Variants in GLI3 observed in about 807,000 individuals in gnomAD.
GLI3 encodes transcription activator GLI3.
A neutral mutation model predicts 100.8 loss-of-function variants in GLI3; 20 were observed. The ratio of observed to expected loss-of-function variants is 0.20; its 90% CI spans 0.14 to 0.29. The LOEUF (loss-of-function observed/expected upper bound fraction) is 0.29. Among genes scored for constraint, GLI3 ranks in the 10% least tolerant of loss-of-function variants. The pLI is 1.00. For missense variants in GLI3, 2,040 were observed against 2,128.5 expected (o/e 0.96, Z 0.82); for synonymous variants, 938 against 860.5 (o/e 1.09, Z -1.58).
At chr7:42,172,450 G>A in intron 2 of GLI3, 1 of 637,434 alleles carries the variant, frequency 1.6e-6, no homozygotes, top group Non-Finnish European at 2.8e-6. Context: ...GATGAAAAAG[G>A]ATAAACTTTT....
chr7:41,996,296 T>C (rs1470678229), intron 10 of GLI3, among the ~76,000 whole-genome samples: 1 of 152,188 alleles, frequency 6.6e-6, no homozygotes, highest in African/African-American at 2.4e-5. Flanking sequence ...TTATTTTTTT[T>C]TTCCTCGAGT....
chr7:42,134,469 C>T (rs1279674083), intron 3 of GLI3, among the ~76,000 whole-genome samples: 1 of 152,112 alleles, frequency 6.6e-6, no homozygotes, highest in African/African-American at 2.4e-5. Flanking sequence ...ATGCCAAATG[C>T]AACTTTTAAC....
chr7:41,966,663 G>C lies in GLI3; in HGVS notation c.2432-22C>G, dbSNP rs368893882. 3.1e-6 allele frequency: 5 copies of C among 1,613,108 alleles called. No homozygotes were observed. Among genetic ancestry groups the C allele is most frequent in the East Asian group, 2.2e-5 (1 of 44,888 alleles). On this transcript the variant is annotated intron_variant, in intron 14 of 14. Coordinates refer to ENST00000395925, the MANE Select transcript of GLI3 (RefSeq NM_000168.6). The surrounding 1 kb of genome is among the most constrained non-coding windows in gnomAD (Gnocchi z 5.8). ...GTGCCTGGAGACAGAGAAAGGGAGA[G>C]ACCATGCGGAGATGAATTCCCTTCG...
At chr7:42,096,459 T>G (rs1186502778) in intron 3 of GLI3, among the ~76,000 whole-genome samples, 1 of 152,176 alleles carries the variant, frequency 6.6e-6, no homozygotes, top group East Asian at 1.9e-4. Context: ...GGGAGAAACT[T>G]CAAACTTGGT....
At chr7:42,010,646 G>T (rs983314317) in intron 10 of GLI3, among the ~76,000 whole-genome samples, 3 of 152,186 alleles carry the variant, frequency 2.0e-5, no homozygotes, top group African/African-American at 7.2e-5. Context: ...GAAGTGGACA[G>T]GGGAAGGGGA....
At chr7:42,218,629 T>C (rs1788423755) in intron 2 of GLI3, among the ~76,000 whole-genome samples, 1 of 151,996 alleles carries the variant, frequency 6.6e-6, no homozygotes, top group African/African-American at 2.4e-5. Flanking sequence ...AAGAAAATAA[T>C]TTTTTAAGCA....
chr7:42,165,171 A>G (rs1331521023), intron 2 of GLI3, among the ~76,000 whole-genome samples: 1 of 150,622 alleles, frequency 6.6e-6, no homozygotes, highest in African/African-American at 2.5e-5. Context: ...ACAGAGTGAA[A>G]CTGTGTCCAA....
At chr7:42,202,340 TCTCTCTCACACACA>T (rs1301895427) in intron 2 of GLI3, among the ~76,000 whole-genome samples, 1 of 34,764 alleles carries the variant, frequency 2.9e-5, no homozygotes, top group Non-Finnish European at 7.9e-5. Context: ...TCTCTCTCTC[TCTCTCTCACACACA>T]CACACACACA....
At chr7:42,213,055 A>G (rs1419536213) in intron 2 of GLI3, among the ~76,000 whole-genome samples, 1 of 152,126 alleles carries the variant, frequency 6.6e-6, no homozygotes, top group Non-Finnish European at 1.5e-5. Context: ...TACCCAACAT[A>G]CCTACCTGGG....
chr7:42,168,223 C>T (rs1338595885), intron 2 of GLI3, among the ~76,000 whole-genome samples: 2 of 152,204 alleles, frequency 1.3e-5, no homozygotes, highest in Admixed American at 6.5e-5. Flanking sequence ...TCATTACTCT[C>T]ATCCTTCCTA....
intron 8 of GLI3, among the ~76,000 whole-genome samples, chr7:42,025,792 G>A (rs565886053): frequency 6.6e-6 from 1 of 152,320 alleles, no homozygotes; most frequent in South Asian, 2.1e-4. Flanking sequence ...TTAACGCAGG[G>A]CAAAGCACAG....
intron 2 of GLI3, among the ~76,000 whole-genome samples, chr7:42,209,827 T>G (rs902159680): frequency 2.0e-5 from 3 of 151,228 alleles, no homozygotes; most frequent in African/African-American, 7.3e-5. Flanking sequence ...TCTCTTTTTT[T>G]TTTTTTTTGA....
intron 10 of GLI3, among the ~76,000 whole-genome samples, chr7:42,018,768 A>G (rs1038908420): frequency 1.3e-5 from 2 of 152,226 alleles, no homozygotes; most frequent in African/African-American, 2.4e-5. Context: ...TTAAAATCCA[A>G]GTAGGTGGTT....
chr7:42,083,804 T>C (rs1343992861), intron 3 of GLI3, among the ~76,000 whole-genome samples: 7 of 152,216 alleles, frequency 4.6e-5, no homozygotes, highest in African/African-American at 1.7e-4. Flanking sequence ...TTCATATTAA[T>C]CATTAATCAA....
chr7:42,255,254 A>G (rs1789073534), intron 1 of GLI3, among the ~76,000 whole-genome samples: 1 of 152,110 alleles, frequency 6.6e-6, no homozygotes, highest in Non-Finnish European at 1.5e-5. Context: ...GACCCTCTCC[A>G]TCTAATTTGG....
intron 3 of GLI3, among the ~76,000 whole-genome samples, chr7:42,137,127 G>A (rs1358439140): frequency 2.0e-5 from 3 of 152,132 alleles, no homozygotes; most frequent in Admixed American, 6.5e-5. Context: ...GTTTTGTGGG[G>A]ATTTAGTGAC....
chr7:42,134,358 C>T (rs781630018), intron 3 of GLI3, among the ~76,000 whole-genome samples: 5 of 152,104 alleles, frequency 3.3e-5, no homozygotes, highest in Admixed American at 6.5e-5. Context: ...AAAAGCTGAA[C>T]GATTCATGTC....
At chr7:42,003,845 A>T (rs1583778843) in intron 10 of GLI3, among the ~76,000 whole-genome samples, 1 of 152,206 alleles carries the variant, frequency 6.6e-6, no homozygotes, top group South Asian at 2.1e-4. Flanking sequence ...ACATCTAGCC[A>T]TGTCTCTGGT....
At chr7:42,262,782 C>T in intron 1 of GLI3, among the ~76,000 whole-genome samples, 1 of 152,124 alleles carries the variant, frequency 6.6e-6, no homozygotes, top group East Asian at 1.9e-4. Context: ...TTTGAAGATA[C>T]TTTCCTAACA....
Sources: gnomAD v4.1 joint callset for allele counts (sites outside exome capture counted in the v4.1 genomes callset) on GRCh38, gnomAD v4.1.1 for gene constraint, Gnocchi (gnomAD v3.1) non-coding constraint, MANE v1.5 for transcripts, NCBI Gene and HGNC (gene_info 2026-07-23, HGNC 2026-07-21) for gene names.